SEC31A: variants seen among roughly 807,000 people sequenced by gnomAD.
The protein encoded by SEC31A is protein transport protein Sec31A.
A neutral mutation model predicts 151.0 loss-of-function variants in SEC31A; 70 were observed. The observed-to-expected ratio is 0.46, with a 90% CI of 0.38 to 0.57. The LOEUF is 0.57. SEC31A is among the 20% of genes least tolerant of loss of function. The probability of loss-of-function intolerance (pLI) is 0.00; values close to 1 mark genes in which losing one functional copy is unlikely to be tolerated. For missense variants in SEC31A, 1,330 were observed against 1,471.2 expected (o/e 0.90, Z 1.57); for synonymous variants, 475 against 505.9 (o/e 0.94, Z 0.82).
chr4:82,843,053 G>C (rs1729271775), intron 21 of SEC31A, among the ~76,000 whole-genome samples: 1 of 151,958 alleles, frequency 6.6e-6, no homozygotes, highest in African/African-American at 2.4e-5. Flanking sequence ...GTATGAAGAT[G>C]GTTAGTAAAC....
chr4:82,880,931 A>G lies in SEC31A; in HGVS notation c.80-9T>C. On this transcript the variant is annotated splice_polypyrimidine_tract_variant and intron_variant, in intron 2 of 26. Transcript: ENST00000395310. ...TTGCTGAGCAGATGTTCCTATAGAA[A>G]ATATATTTATGGTAACTATACACAC... 6.3e-7 allele frequency: 1 copy of G among 1,594,998 alleles called. No individual in the cohort carries two copies.
chr4:82,857,662 T>G (rs756858437), intron 15 of SEC31A, 27 bp downstream of exon 15: 11 of 1,414,878 alleles, frequency 7.8e-6, no homozygotes, highest in Admixed American at 7.2e-5. Flanking sequence ...TAAAAAAAAT[T>G]AGAAATCAAA....
In SEC31A at chr4:82,842,259, C is replaced by T; in HGVS notation, c.2849G>A (p.Gly950Glu). The T allele has an allele frequency of 6.2e-7, 1 of 1,613,856 alleles. No individual in the cohort carries two copies. Among genetic ancestry groups the T allele is most frequent in the Non-Finnish European group, 8.5e-7 (1 of 1,179,940 alleles). Reference sequence around the variant, plus strand: ...TGGTCCGCCATGCTGGAAGGATGCTCCAGAGGAAGGGGGAGGAGGGAAAGA... The same window carrying T: ...TGGTCCGCCATGCTGGAAGGATGCTTCAGAGGAAGGGGGAGGAGGGAAAGA... Reference protein sequence around the residue: ...ATSFPPPPSSGASFQHGGPGA... With the variant: ...ATSFPPPPSSEASFQHGGPGA... Residue 950 changes from glycine (G) to glutamate (E), a missense_variant, in exon 22 of 27, where the codon GGA becomes GAA. Transcript: ENST00000395310.
chr4:82,829,811 C>T (rs1479078598), intron 22 of SEC31A, among the ~76,000 whole-genome samples: 1 of 151,788 alleles, frequency 6.6e-6, no homozygotes, highest in African/African-American at 2.4e-5. Context: ...AAATGAACAA[C>T]AGTAGCAGAA....
chr4:82,851,311 G>T (rs888907589), intron 19 of SEC31A, 120 bp downstream of exon 19: 9 of 736,754 alleles, frequency 1.2e-5, no homozygotes, highest in African/African-American at 1.8e-5. Context: ...CTGCAGTCAG[G>T]TTACAGAAAT....
intron 3 of SEC31A, among the ~76,000 whole-genome samples, chr4:82,897,240 C>T (rs1478425407): frequency 6.6e-6 from 1 of 152,142 alleles, no homozygotes; most frequent in Non-Finnish European, 1.5e-5. Flanking sequence ...AGCTGCCCCT[C>T]CATATCAGGC....
At chr4:82,846,224 C>T (rs926156603) in intron 20 of SEC31A, among the ~76,000 whole-genome samples, 3 of 151,336 alleles carry the variant, frequency 2.0e-5, no homozygotes, top group Admixed American at 1.3e-4. Flanking sequence ...AGGCTGGTCT[C>T]GATCTCCTGA....
In SEC31A at chr4:82,880,811, G is replaced by C. The variant is rs150449027; in HGVS notation, c.191C>G (p.Ser64Cys). Residue 64 changes from serine (S) to cysteine (C), a missense_variant, in exon 3 of 27, where the codon TCC becomes TGC. Physicochemically the swap from Ser to Cys is moderately radical, Grantham distance 112. Coordinates refer to ENST00000395310, the MANE Select transcript of SEC31A (RefSeq NM_001077207.4). ...SLDMKSCATFSSSHRYHKLIW... is the reference protein window; with the variant it reads ...SLDMKSCATFCSSHRYHKLIW... ...CTGAACCTCATACCTGTGAGAAGAGGAGAATGTGGCACAAGATTTCATATC... is the reference window on the plus strand; with the variant it reads ...CTGAACCTCATACCTGTGAGAAGAGCAGAATGTGGCACAAGATTTCATATC... 5.6e-6 allele frequency: 9 copies of C among 1,612,024 alleles called. No homozygotes were observed. Among genetic ancestry groups the C allele is most frequent in the Non-Finnish European group, 7.6e-6 (9 of 1,178,948 alleles).
intron 7 of SEC31A, among the ~76,000 whole-genome samples, chr4:82,871,148 C>A (rs1250243874): frequency 6.6e-6 from 1 of 152,120 alleles, no homozygotes; most frequent in African/African-American, 2.4e-5. Context: ...GTGGCTCTAT[C>A]CTGGGCAAAT....
intron 16 of SEC31A, among the ~76,000 whole-genome samples, chr4:82,855,727 G>A (rs1732484066): frequency 6.6e-6 from 1 of 152,114 alleles, no homozygotes; most frequent in South Asian, 2.1e-4. Flanking sequence ...CTTACAAATA[G>A]GAGCTAAATG....
At chr4:82,882,002 A>T in intron 1 of SEC31A, 62 bp from the exon 2 acceptor site, 1 of 1,244,878 alleles carries the variant, frequency 8.0e-7, no homozygotes, top group Non-Finnish European at 1.2e-6. Flanking sequence ...CACAGAACAC[A>T]GATATTTTAA....
rs1449054228 is a variant in SEC31A at position 82,828,881 on chromosome 4, A to T, written c.3027+119T>A. ...GAAGGTGCATGTTGAAATACACTTTAAATACATCACTCAGTAAGCTTCGCC... is the reference window on the plus strand; with the variant it reads ...GAAGGTGCATGTTGAAATACACTTTTAATACATCACTCAGTAAGCTTCGCC... On this transcript the variant is annotated intron_variant, in intron 23 of 26. Coordinates refer to ENST00000395310, the MANE Select transcript of SEC31A (RefSeq NM_001077207.4). 4.2e-6 allele frequency: 3 copies of T among 720,506 alleles called. No individual in the cohort carries two copies. The East Asian group carries it at 7.6e-5, about 18-fold the overall frequency. The allele number at this position is 720,506 out of a possible 1,614,324, so 44.6% of individuals were successfully genotyped here. A position where few individuals can be genotyped will look rare whatever the true frequency, so the allele number is the denominator to read the frequency against.
intron 6 of SEC31A, among the ~76,000 whole-genome samples, chr4:82,873,615 T>G (rs763199021): frequency 3.2e-4 from 48 of 152,328 alleles, no homozygotes; most frequent in Admixed American, 1.8e-3. Flanking sequence ...CTGATTCACT[T>G]GAAAACAATA....
rs758993793 is a variant in SEC31A at position 82,819,141 on chromosome 4, C to T, written c.3596G>A (p.Ser1199Asn). ...HTHIVSTSNF[S>N]ETSAFMPVLK... ...AACTGGCATGAAAGCAGAGGTCTCA[C>T]TGAAGTTGCTGGTGCTAACTATGTG... The change falls in exon 27 of 27, where the codon AGT becomes AAT. Residue 1199 changes from serine (S) to asparagine (N), a missense_variant. Physicochemically the swap from Ser to Asn is conservative, Grantham distance 46. Coordinates refer to ENST00000395310, the MANE Select transcript of SEC31A (RefSeq NM_001077207.4). 5.6e-6 allele frequency: 9 copies of T among 1,611,976 alleles called. No individual in the cohort carries two copies. Among genetic ancestry groups the T allele is most frequent in the South Asian group, 1.1e-5 (1 of 90,472 alleles).
chr4:82,890,973 G>C (rs1719612509), intron 1 of SEC31A, 115 bp downstream of exon 1: 1 of 1,477,264 alleles, frequency 6.8e-7, no homozygotes, highest in African/African-American at 1.4e-5. Flanking sequence ...CAGAGACCGG[G>C]CCTCAGGCTG....
chr4:82,829,763 C>T (rs185280773), intron 22 of SEC31A, among the ~76,000 whole-genome samples: 4 of 151,870 alleles, frequency 2.6e-5, no homozygotes, highest in East Asian at 1.9e-4. Flanking sequence ...AACACATGCA[C>T]ACTAACAAAT....
intron 2 of SEC31A, among the ~76,000 whole-genome samples, chr4:82,881,390 G>C (rs1022190146): frequency 1.3e-5 from 2 of 152,082 alleles, no homozygotes; most frequent in African/African-American, 4.8e-5. Flanking sequence ...GAAGGAACCA[G>C]GGAGGTGGAG....
At chr4:82,847,588 C>T (rs1005196650) in intron 20 of SEC31A, among the ~76,000 whole-genome samples, 4 of 152,120 alleles carry the variant, frequency 2.6e-5, no homozygotes, top group African/African-American at 7.2e-5. Flanking sequence ...CCAACTTGGC[C>T]GGTAACCAGC....
intron 9 of SEC31A, 40 bp downstream of exon 9, chr4:82,867,115 T>C (rs745706826): frequency 6.3e-7 from 1 of 1,580,566 alleles, no homozygotes; most frequent in East Asian, 2.2e-5. Context: ...ACATACTTTT[T>C]TCAGGCATTA....
Sources: gnomAD v4.1 joint callset for allele counts (sites outside exome capture counted in the v4.1 genomes callset) on GRCh38, gnomAD v4.1.1 for gene constraint, MANE v1.5 for transcripts, NCBI Gene and HGNC (gene_info 2026-07-23, HGNC 2026-07-21) for gene names.